The following FOXP1 variants were observed in gnomAD, a reference collection of about 807,000 sequenced individuals.
FOXP1 encodes forkhead box P1, also known as forkhead box protein P1.
FOXP1 carries 15 observed loss-of-function variants against 98.2 expected under a neutral mutation model. The ratio of observed to expected loss-of-function variants is 0.15; its 90% confidence interval spans 0.10 to 0.24. The LOEUF (loss-of-function observed/expected upper bound fraction) is 0.24, where lower values mean the gene tolerates loss of function less well. Ranked by LOEUF, FOXP1 falls within the 10% of genes least tolerant of loss-of-function variation. The pLI is 1.00. For missense variants in FOXP1, 633 were observed against 848.5 expected, an observed-to-expected ratio of 0.75 and a Z score of 3.15; for synonymous variants, 371 against 314.5, an observed-to-expected ratio of 1.18 and a Z score of -1.90.
At chr3:71,092,822 T>G (rs2056022743) in intron 7 of FOXP1, among the ~76,000 whole-genome samples, 1 of 151,626 alleles carries the variant, frequency 6.6e-6, no homozygotes, top group Non-Finnish European at 1.5e-5. Context: ...TGTCTTACAC[T>G]GGTAGCAATA....
chr3:71,115,036 T>C (rs1213640293), intron 6 of FOXP1, among the ~76,000 whole-genome samples: 1 of 152,132 alleles, frequency 6.6e-6, no homozygotes, highest in Non-Finnish European at 1.5e-5. Context: ...CTTTTTAATG[T>C]AGAAAGGGAA....
chr3:71,330,360 C>T (rs527279584), intron 4 of FOXP1, among the ~76,000 whole-genome samples: 1 of 152,188 alleles, frequency 6.6e-6, no homozygotes, highest in Non-Finnish European at 1.5e-5. Flanking sequence ...TAAGTCACTT[C>T]TATGTTTTTA....
At chr3:71,389,963 C>A (rs185696417) in intron 3 of FOXP1, among the ~76,000 whole-genome samples, 2 of 152,162 alleles carry the variant, frequency 1.3e-5, no homozygotes, top group African/African-American at 4.8e-5. Flanking sequence ...AAAGCTCAGG[C>A]TGCGGTTTCT....
chr3:71,395,369 T>G (rs2081311091), intron 3 of FOXP1, among the ~76,000 whole-genome samples: 3 of 148,786 alleles, frequency 2.0e-5, no homozygotes, highest in Admixed American at 6.8e-5. Flanking sequence ...ATGCCTTTTT[T>G]CTGTTCCTCA....
intron 5 of FOXP1, among the ~76,000 whole-genome samples, chr3:71,213,365 C>A (rs1461657632): frequency 6.6e-6 from 1 of 152,224 alleles, no homozygotes; most frequent in Non-Finnish European, 1.5e-5. Flanking sequence ...ATGTCCTTAA[C>A]ACATAAGACC....
intron 2 of FOXP1, among the ~76,000 whole-genome samples, chr3:71,544,324 TA>T (rs2045174576): frequency 6.7e-6 from 1 of 150,090 alleles, no homozygotes; most frequent in African/African-American, 2.5e-5. Context: ...GTCAATTACA[TA>T]TATTTCCACT....
chr3:71,430,083 T>G (rs189318065), intron 3 of FOXP1, among the ~76,000 whole-genome samples: 95 of 152,314 alleles, frequency 6.2e-4, no homozygotes, highest in African/African-American at 2.0e-3. Context: ...CAAATTGCCT[T>G]GCTACAATGA....
chr3:70,973,823 G>A (rs1040830773), intron 17 of FOXP1, among the ~76,000 whole-genome samples: 5 of 125,838 alleles, frequency 4.0e-5, no homozygotes, highest in African/African-American at 9.0e-5. Context: ...TTGCACAAGC[G>A]TTTTGCACAC....
chr3:71,027,416 A>C (rs193279495), intron 11 of FOXP1, among the ~76,000 whole-genome samples: 130 of 152,352 alleles, frequency 8.5e-4, no homozygotes, highest in African/African-American at 2.9e-3. Flanking sequence ...CAAGTTAGCC[A>C]AAGATACAAA....
chr3:71,003,438 C>T (rs536272554), intron 12 of FOXP1, among the ~76,000 whole-genome samples: 233 of 150,486 alleles, frequency 1.5e-3, no homozygotes, highest in African/African-American at 5.4e-3. Context: ...TTTTTTTTCC[C>T]ATAGCTTCAG....
intron 3 of FOXP1, among the ~76,000 whole-genome samples, chr3:71,449,811 T>C (rs2086772133): frequency 6.6e-6 from 1 of 152,330 alleles, no homozygotes; most frequent in South Asian, 2.1e-4. Flanking sequence ...TGAATCATTG[T>C]TTCATTAGAT....
At chr3:71,021,470 T>C (rs2045426285) in intron 11 of FOXP1, among the ~76,000 whole-genome samples, 1 of 152,206 alleles carries the variant, frequency 6.6e-6, no homozygotes, top group African/African-American at 2.4e-5. Flanking sequence ...ATTTCCACAT[T>C]TTGGCTATTG....
chr3:71,025,419 TTCCCTGA>T (rs1280838473), intron 11 of FOXP1, among the ~76,000 whole-genome samples: 2 of 152,132 alleles, frequency 1.3e-5, no homozygotes, highest in African/African-American at 4.8e-5. Context: ...ATCTTGGGTG[TTCCCTGA>T]TCTGTATCTG....
At chr3:71,031,321 A>C (rs1303504490) in intron 11 of FOXP1, among the ~76,000 whole-genome samples, 1 of 152,220 alleles carries the variant, frequency 6.6e-6, no homozygotes, top group Non-Finnish European at 1.5e-5. Context: ...TGAAGGTCAT[A>C]AAAGTCTGTC....
chr3:71,191,894 T>C (rs1560091221), intron 6 of FOXP1, among the ~76,000 whole-genome samples: 1 of 152,218 alleles, frequency 6.6e-6, no homozygotes, highest in African/African-American at 2.4e-5. Context: ...TTTTTGACCA[T>C]CAATACTTTT....
At chr3:70,985,374 T>G (rs1426791812) in intron 14 of FOXP1, among the ~76,000 whole-genome samples, 1 of 151,994 alleles carries the variant, frequency 6.6e-6, no homozygotes, top group African/African-American at 2.4e-5. Context: ...TTGCTGTATG[T>G]GTGTGCCCTT....
chr3:70,977,768 G>T (rs775653072), intron 15 of FOXP1, 46 bp from the exon 16 acceptor site: 3 of 1,610,528 alleles, frequency 1.9e-6, no homozygotes, highest in Non-Finnish European at 2.5e-6. Flanking sequence ...TTTCAAAAGG[G>T]GCTGGTCTAC....
At chr3:70,967,947 A>C (rs908222419) in intron 19 of FOXP1, among the ~76,000 whole-genome samples, 7 of 152,090 alleles carry the variant, frequency 4.6e-5, no homozygotes, top group African/African-American at 1.7e-4. Flanking sequence ...AAAAACTGTG[A>C]AGACAAAATT....
rs144755970 is a variant in FOXP1 at position 70,993,872 on chromosome 3, T to C, written c.1063-5795A>G. 1.7e-3 allele frequency among the ~76,000 whole-genome samples: 261 copies of C among 152,050 alleles called. 2 individuals are homozygous for C. The highest frequency in any genetic ancestry group is 6.1e-3 in the African/African-American group (251 of 41,460). ...AGCAGGGCATGGTGGCACATGCCTATAGTCCCAGCTACTTGGGAGACTGAG... is the reference window on the plus strand; with the variant it reads ...AGCAGGGCATGGTGGCACATGCCTACAGTCCCAGCTACTTGGGAGACTGAG... On this transcript the variant is annotated intron_variant, in intron 13 of 20. Transcript: ENST00000649528.
Sources: allele counts gnomAD v4.1 joint callset (sites outside exome capture counted in the v4.1 genomes callset), GRCh38; gene constraint gnomAD v4.1.1; transcripts MANE v1.5; gene names NCBI Gene and HGNC (gene_info 2026-07-23, HGNC 2026-07-21).